INPP5B: variants seen among roughly 807,000 people sequenced by gnomAD.
The protein encoded by INPP5B is inositol polyphosphate-5-phosphatase B.
In INPP5B, 90 loss-of-function variants were observed where a neutral mutation model predicts 118.5. The observed-to-expected ratio is 0.76, with a 90% confidence interval of 0.64 to 0.90. The LOEUF is 0.90. INPP5B is among the 40% of genes least tolerant of loss of function. The pLI, the probability that INPP5B is intolerant of heterozygous loss-of-function variation, is 0.00. For missense variants in INPP5B, 984 were observed against 1,125.6 expected (o/e 0.87, Z 1.80); for synonymous variants, 385 against 418.9 (o/e 0.92, Z 0.99).
At chr1:37,876,744 C>G (rs56121826) in intron 16 of INPP5B, among the ~76,000 whole-genome samples, 1 of 144,422 alleles carries the variant, frequency 6.9e-6, no homozygotes, top group East Asian at 2.1e-4. Context: ...GGTGTGGTGG[C>G]GGGCGCCTGC....
chr1:37,868,211 A>T (rs920154532), intron 20 of INPP5B, among the ~76,000 whole-genome samples: 4 of 151,616 alleles, frequency 2.6e-5, no homozygotes, highest in Non-Finnish European at 5.9e-5. Flanking sequence ...TACCTGGGAG[A>T]CTGAGGCGGG....
At chr1:37,896,725 G>C (rs1211801989) in intron 7 of INPP5B, among the ~76,000 whole-genome samples, 8 of 133,098 alleles carry the variant, frequency 6.0e-5, no homozygotes, top group Admixed American at 5.8e-4. Flanking sequence ...GGAGGGAGGT[G>C]GGGGAGTCAG....
chr1:37,883,091 T>G, intron 13 of INPP5B, 173 bp from the exon 14 acceptor site: 1 of 985,460 alleles, frequency 1.0e-6, no homozygotes, highest in Non-Finnish European at 1.2e-6. Flanking sequence ...TAATCTAATG[T>G]GATGCTTGCT....
chr1:37,897,414 C>A (rs1644160518), intron 7 of INPP5B, among the ~76,000 whole-genome samples: 1 of 151,620 alleles, frequency 6.6e-6, no homozygotes, highest in African/African-American at 2.4e-5. Context: ...CCTTGGGATC[C>A]TGTTGATCGG....
intron 7 of INPP5B, among the ~76,000 whole-genome samples, chr1:37,903,492 C>T (rs1389553420): frequency 1.3e-5 from 2 of 152,226 alleles, no homozygotes; most frequent in East Asian, 1.9e-4. Context: ...TTTGAGAGGC[C>T]GAGACGGGTG....
intron 23 of INPP5B, 36 bp from the exon 24 acceptor site, chr1:37,862,466 A>C (rs1641756408): frequency 7.5e-7 from 1 of 1,337,976 alleles, no homozygotes; most frequent in Non-Finnish European, 1.1e-6. Flanking sequence ...ATGATTCAGC[A>C]AAAGAAGGTA....
intron 6 of INPP5B, among the ~76,000 whole-genome samples, chr1:37,933,282 C>T (rs1460986423): frequency 6.6e-6 from 1 of 152,194 alleles, no homozygotes; most frequent in East Asian, 1.9e-4. Context: ...TAGGGCCAGG[C>T]GCATGCCTGT....
Position 37,868,605 on chromosome 1 carries a change from G to T in INPP5B, c.2197C>A (p.Pro733Thr). 6.2e-7 allele frequency: 1 copy of T among 1,606,914 alleles called. No homozygotes were observed. Among genetic ancestry groups the T allele is most frequent in the Non-Finnish European group, 8.5e-7 (1 of 1,173,426 alleles). Residue 733 changes from proline to threonine, a missense_variant, in exon 20 of 24, where the codon CCA becomes ACA. Around this residue, in one of 2 missense-constraint regions of INPP5B, gnomAD observed 634 missense variants for 791.0 expected, o/e 0.80. Coordinates refer to ENST00000373024, the MANE Select transcript of INPP5B (RefSeq NM_005540.3). The part of the protein sequence containing the change: ...LETISELTLM[P>T]VWTGDDGSQL... ...CTCCCATCATCTCCAGTCCATACTGGCATCAGAGTCTGGAAAGCAATCAAG... is the reference window on the plus strand; with the variant it reads ...CTCCCATCATCTCCAGTCCATACTGTCATCAGAGTCTGGAAAGCAATCAAG...
intron 5 of INPP5B, among the ~76,000 whole-genome samples, chr1:37,942,996 G>T (rs1645988924): frequency 6.6e-6 from 1 of 151,938 alleles, no homozygotes; most frequent in Non-Finnish European, 1.5e-5. Flanking sequence ...AGGATTTTTT[G>T]GGGGTTTTTT....
intron 19 of INPP5B, 28 bp from the exon 20 acceptor site, chr1:37,868,642 A>G: frequency 6.7e-7 from 1 of 1,496,992 alleles, no homozygotes. Flanking sequence ...TCATGACAGA[A>G]CTTCTGCCAG....
At chr1:37,924,964 A>G (rs1645177488) in intron 7 of INPP5B, among the ~76,000 whole-genome samples, 1 of 152,224 alleles carries the variant, frequency 6.6e-6, no homozygotes, top group Non-Finnish European at 1.5e-5. Context: ...ACCTGAAATC[A>G]GGAGTTCAAG....
At chr1:37,924,929 T>G (rs999665955) in intron 7 of INPP5B, among the ~76,000 whole-genome samples, 2 of 152,192 alleles carry the variant, frequency 1.3e-5, no homozygotes, top group African/African-American at 4.8e-5. Context: ...ATCCCAGCAC[T>G]TTGGGAGGCC....
intron 15 of INPP5B, among the ~76,000 whole-genome samples, chr1:37,878,725 C>G (rs1389473560): frequency 6.6e-6 from 1 of 151,910 alleles, no homozygotes; most frequent in African/African-American, 2.4e-5. Context: ...TCTCAGCTCA[C>G]TGCAACCTCC....
At chr1:37,883,240 A>G (rs745476441) in intron 13 of INPP5B, 13 of 985,356 alleles carry the variant, frequency 1.3e-5, no homozygotes, top group Non-Finnish European at 1.6e-5. Flanking sequence ...AAAAAAAATC[A>G]AGAATTGAGA....
At chr1:37,899,177 CAA>C (rs34526336) in intron 7 of INPP5B, among the ~76,000 whole-genome samples, 8 of 117,064 alleles carry the variant, frequency 6.8e-5, no homozygotes, top group Non-Finnish European at 6.8e-5. Flanking sequence ...GTGAAACTGT[CAA>C]AAAAAAAAAA....
At chr1:37,884,371 C>T (rs1461028259) in intron 13 of INPP5B, 1 of 151,878 alleles carries the variant, frequency 6.6e-6, no homozygotes, top group East Asian at 1.9e-4. Flanking sequence ...CTTTCCCCTC[C>T]CCTTCCCTTT....
chr1:37,866,404 T>TCACACACACACA lies in INPP5B; in HGVS notation c.2386+54_2386+55insTGTGTGTGTGTG, dbSNP rs1491111834. On this transcript the variant is annotated intron_variant, in intron 21 of 23. Coordinates refer to ENST00000373024, the MANE Select transcript of INPP5B (RefSeq NM_005540.3). ...CTCATATTCTCTCTCTCTCTCTCTCTCTCACACACACACACACACACACAC... is the reference window on the plus strand; with the variant it reads ...CTCATATTCTCTCTCTCTCTCTCTCTCACACACACACACTCACACACACACACACACACACAC... 2,945 of 364,670 alleles carry TCACACACACACA rather than the reference T, an allele frequency of 8.1e-3. 49 individuals carry two copies. Among genetic ancestry groups the TCACACACACACA allele is most frequent in the African/African-American group, 0.068 (1,919 of 28,066 alleles). The allele number at this position is 364,670 out of a possible 1,614,324, so 22.6% of individuals were successfully genotyped here. A position where few individuals can be genotyped will look rare whatever the true frequency, so the allele number is the denominator to read the frequency against.
intron 7 of INPP5B, among the ~76,000 whole-genome samples, chr1:37,896,954 G>C (rs1176464736): frequency 2.5e-5 from 3 of 118,978 alleles, no homozygotes; most frequent in Non-Finnish European, 5.9e-5. Flanking sequence ...CACTCTGCCC[G>C]GCCAGCCGCC....
intron 15 of INPP5B, 41 bp downstream of exon 15, chr1:37,880,044 G>A: frequency 1.5e-6 from 2 of 1,360,914 alleles, no homozygotes; most frequent in East Asian, 4.7e-5. Flanking sequence ...GAATTTCTGG[G>A]TTTCCGTTTG....
Sources: gnomAD v4.1 joint callset for allele counts (sites outside exome capture counted in the v4.1 genomes callset) on GRCh38, gnomAD v4.1.1 for gene constraint, gnomAD v4.1.1 regional missense constraint, MANE v1.5 for transcripts, NCBI Gene and HGNC (gene_info 2026-07-23, HGNC 2026-07-21) for gene names.